The following FAM107B variants were observed in gnomAD, a reference collection of about 807,000 sequenced individuals.
FAM107B encodes family with sequence similarity 107 member B.
In FAM107B, 21 loss-of-function variants were observed where a neutral mutation model predicts 31.5. That is an observed-to-expected ratio of 0.67 (90% CI 0.47 to 0.96). The LOEUF (loss-of-function observed/expected upper bound fraction) is 0.96. Ranked by LOEUF, FAM107B falls within the 40% of genes least tolerant of loss-of-function variation. The pLI is 0.00. For missense variants in FAM107B, 452 were observed against 377.1 expected (o/e 1.20, Z -1.64); for synonymous variants, 157 against 141.5 (o/e 1.11, Z -0.78).
intron 1 of FAM107B, among the ~76,000 whole-genome samples, chr10:14,722,423 C>A (rs1007886698): frequency 6.6e-6 from 1 of 152,158 alleles, no homozygotes; most frequent in Non-Finnish European, 1.5e-5. Flanking sequence ...ATATTCCATG[C>A]TGCTTTTCCA....
At chr10:14,629,437 ATATATATAT>A (rs1185152611) in intron 2 of FAM107B, among the ~76,000 whole-genome samples, 241 of 7,872 alleles carry the variant, frequency 0.031, 19 homozygotes, top group African/African-American at 0.15. Context: ...AATATATATT[ATATATATAT>A]TATATATATA....
At chr10:14,714,676 G>C (rs1002785591) in intron 1 of FAM107B, among the ~76,000 whole-genome samples, 21 of 152,158 alleles carry the variant, frequency 1.4e-4, no homozygotes, top group Admixed American at 1.2e-3. Flanking sequence ...CTGAGGGAGG[G>C]AGAGGAAACC....
chr10:14,695,468 T>C (rs12265983), intron 1 of FAM107B, among the ~76,000 whole-genome samples: 2,507 of 152,258 alleles, frequency 0.016, 78 homozygotes, highest in African/African-American at 0.058. Context: ...CTTTGGCTAT[T>C]TGGGTTCATT....
At chr10:14,527,988 AT>A (rs1387468358) in intron 3 of FAM107B, 4 of 359,628 alleles carry the variant, frequency 1.1e-5, no homozygotes, top group Non-Finnish European at 2.1e-5. Context: ...TCATTTTGAA[AT>A]CTGCCTTTTC....
At chr10:14,592,947 G>A (rs1852068098) in intron 2 of FAM107B, among the ~76,000 whole-genome samples, 1 of 152,138 alleles carries the variant, frequency 6.6e-6, no homozygotes, top group African/African-American at 2.4e-5. Flanking sequence ...TCCAGCTCAA[G>A]TCGTGAGGAT....
At chr10:14,652,188 C>G (rs7907964) in intron 2 of FAM107B, among the ~76,000 whole-genome samples, 6,995 of 151,998 alleles carry the variant, frequency 0.046, 231 homozygotes, top group African/African-American at 0.1. Context: ...TATTTCTATA[C>G]TTCATCTCAA....
chr10:14,668,995 T>C (rs1854475398), intron 1 of FAM107B, among the ~76,000 whole-genome samples: 1 of 152,196 alleles, frequency 6.6e-6, no homozygotes, highest in African/African-American at 2.4e-5. Flanking sequence ...GTCTCAAATT[T>C]GCCCTGAGTT....
intron 1 of FAM107B, among the ~76,000 whole-genome samples, chr10:14,733,097 A>G (rs2131562367): frequency 1.3e-5 from 2 of 148,716 alleles, no homozygotes; most frequent in South Asian, 4.2e-4. Context: ...AATACATTAT[A>G]CATAATAATA....
chr10:14,771,728 G>A (rs1381585928), intron 1 of FAM107B, among the ~76,000 whole-genome samples: 3 of 152,026 alleles, frequency 2.0e-5, no homozygotes, highest in East Asian at 1.9e-4. Context: ...TGTTGCCCAG[G>A]CTGGTCTCAA....
chr10:14,679,143 T>A (rs1238024835), intron 1 of FAM107B, among the ~76,000 whole-genome samples: 1 of 151,982 alleles, frequency 6.6e-6, no homozygotes, highest in Non-Finnish European at 1.5e-5. Context: ...TTTCCTTTTT[T>A]TTTGGAGAGA....
chr10:14,684,495 AT>A (rs2131499305), intron 1 of FAM107B, among the ~76,000 whole-genome samples: 2 of 152,272 alleles, frequency 1.3e-5, no homozygotes, highest in South Asian at 4.2e-4. Context: ...CAACAATTCC[AT>A]TCATGAAGCG....
intron 2 of FAM107B, among the ~76,000 whole-genome samples, chr10:14,582,759 C>G (rs1851684775): frequency 6.6e-6 from 1 of 152,046 alleles, no homozygotes; most frequent in Non-Finnish European, 1.5e-5. Flanking sequence ...CTGTATAACT[C>G]TATGAAGGAG....
chr10:14,618,976 C>T (rs1480326687), intron 2 of FAM107B, among the ~76,000 whole-genome samples: 5 of 152,064 alleles, frequency 3.3e-5, no homozygotes, highest in Non-Finnish European at 7.4e-5. Flanking sequence ...GGTCTTGTGA[C>T]AACAGGGGCA....
chr10:14,655,506 G>A (rs982498006), intron 2 of FAM107B, among the ~76,000 whole-genome samples: 2 of 152,160 alleles, frequency 1.3e-5, no homozygotes, highest in African/African-American at 2.4e-5. Context: ...TGCAACCTCC[G>A]CCTCCCAGGT....
At chr10:14,773,485 T>C (rs1394736723) in intron 1 of FAM107B, among the ~76,000 whole-genome samples, 2 of 152,220 alleles carry the variant, frequency 1.3e-5, no homozygotes, top group Non-Finnish European at 2.9e-5. Flanking sequence ...CTTTGGAGTG[T>C]ACCTTTTAGA....
chr10:14,577,083 C>T (rs967559951), intron 2 of FAM107B, among the ~76,000 whole-genome samples: 1 of 152,196 alleles, frequency 6.6e-6, no homozygotes, highest in African/African-American at 2.4e-5. Context: ...TGACAGAACA[C>T]TGCTTATGAT....
chr10:14,723,798 G>A, intron 1 of FAM107B: 1 of 757,896 alleles, frequency 1.3e-6, no homozygotes, highest in Non-Finnish European at 2.4e-6. Context: ...ACTTCAGCAG[G>A]GCCCTCTGGC....
At chr10:14,564,235 T>C (rs537152557) in intron 2 of FAM107B, among the ~76,000 whole-genome samples, 59 of 152,242 alleles carry the variant, frequency 3.9e-4, no homozygotes, top group African/African-American at 1.2e-3. Context: ...AATAAATCCA[T>C]TGACATTGTG....
At chr10:14,604,009 C>G (rs111293672) in intron 2 of FAM107B, among the ~76,000 whole-genome samples, 1 of 146,652 alleles carries the variant, frequency 6.8e-6, no homozygotes, top group Non-Finnish European at 1.5e-5. Context: ...CGCGGCGCCC[C>G]CCGCACGGCC....
Sources: allele counts gnomAD v4.1 joint callset (sites outside exome capture counted in the v4.1 genomes callset), GRCh38; gene constraint gnomAD v4.1.1; transcripts MANE v1.5; gene names NCBI Gene and HGNC (gene_info 2026-07-23, HGNC 2026-07-21).